DMD: variants seen among roughly 807,000 people sequenced by gnomAD.
DMD encodes dystrophin.
A neutral mutation model predicts 330.1 loss-of-function variants in DMD; 63 were observed. The ratio of observed to expected loss-of-function variants is 0.19; its 90% confidence interval spans 0.16 to 0.24. The LOEUF is 0.24. Ranked by LOEUF, DMD falls within the 10% of genes least tolerant of loss-of-function variation. The pLI is 1.00. For synonymous variants in DMD, 1,223 were observed against 959.8 expected (o/e 1.27, Z -5.07); for missense variants, 3,344 against 2,684.1 (o/e 1.25, Z -5.43).
At chrX:31,502,816 A>T (rs1201995554) in intron 56 of DMD, among the ~76,000 whole-genome samples, 1 of 111,849 alleles carries the variant, frequency 8.9e-6, no homozygotes, top group East Asian at 2.8e-4. Flanking sequence ...TAATATTCTA[A>T]AATTAAAAAT....
Position 32,760,426 on chromosome X carries a change from G to C in DMD, c.649+49067C>G, listed in dbSNP as rs764413248. ...ATATCTGCCCTACTTTGTTGCCACA[G>C]AGAATAAATTTTCCATGACTGCAAG... On this transcript the variant is annotated intron_variant, in intron 7 of 78. Coordinates refer to ENST00000357033, the MANE Select transcript of DMD (RefSeq NM_004006.3). Among the ~76,000 whole-genome samples, 18 of 111,778 alleles carry C rather than the reference G, an allele frequency of 1.6e-4. No individual in the cohort carries two copies. In the South Asian group the frequency reaches 6.8e-3, roughly 42 times the overall value.
chrX:31,162,634 T>C (rs1287912585), intron 74 of DMD, among the ~76,000 whole-genome samples: 2 of 110,703 alleles, frequency 1.8e-5, no homozygotes, highest in Non-Finnish European at 3.8e-5. Context: ...AATGAATATA[T>C]TCCTCATTTT....
At chrX:31,197,756 A>G (rs1602602091) in intron 67 of DMD, among the ~76,000 whole-genome samples, 1 of 111,826 alleles carries the variant, frequency 8.9e-6, no homozygotes, top group Admixed American at 9.5e-5. Flanking sequence ...AAGATACTAC[A>G]AAATCGAAAC....
At chrX:31,529,170 C>T (rs5972398) in intron 55 of DMD, among the ~76,000 whole-genome samples, 14,102 of 104,834 alleles carry the variant, frequency 0.13, 1,153 homozygotes, top group African/African-American at 0.27. Context: ...TGCAGTGAGC[C>T]GAGATCGCAC....
intron 50 of DMD, among the ~76,000 whole-genome samples, chrX:31,807,575 C>T (rs1017420774): frequency 4.5e-5 from 5 of 111,194 alleles, no homozygotes; most frequent in African/African-American, 1.6e-4. Context: ...AAGAAAAGAA[C>T]GTATATATTT....
At chrX:32,611,451 T>C (rs746567122) in intron 12 of DMD, among the ~76,000 whole-genome samples, 110 of 111,836 alleles carry the variant, frequency 9.8e-4, no homozygotes, top group Non-Finnish European at 1.8e-3. Context: ...TCATAGTCAT[T>C]AGAAATGGCA....
At chrX:33,178,371 C>T (rs750550132) in intron 1 of DMD, among the ~76,000 whole-genome samples, 14 of 111,704 alleles carry the variant, frequency 1.3e-4, no homozygotes, top group Admixed American at 3.8e-4. Context: ...ACCACCATGG[C>T]CCTGCTCTAC....
intron 37 of DMD, among the ~76,000 whole-genome samples, chrX:32,359,728 T>C (rs1266923537): frequency 1.8e-5 from 2 of 111,182 alleles, no homozygotes; most frequent in Admixed American, 9.6e-5. Context: ...ACTAATCTAA[T>C]TTAGAAATTT....
intron 74 of DMD, among the ~76,000 whole-genome samples, chrX:31,165,896 T>C: frequency 8.9e-6 from 1 of 111,978 alleles, no homozygotes; most frequent in East Asian, 2.8e-4. Context: ...CTTATCTCTG[T>C]GGCATCAACC....
rs190472283 is a variant in DMD, at chrX:32,552,459, C to A, written c.1993-7125G>T. ...AAAGACTTAAATCTAAAACCAACAACTATAAAAACCTAAGAAGATAACCCA... is the reference window on the plus strand; with the variant it reads ...AAAGACTTAAATCTAAAACCAACAAATATAAAAACCTAAGAAGATAACCCA... On this transcript the variant is annotated intron_variant, in intron 16 of 78. Coordinates refer to ENST00000357033, the MANE Select transcript of DMD (RefSeq NM_004006.3). Among the ~76,000 whole-genome samples, 294 of 111,817 alleles carry A rather than the reference C, an allele frequency of 2.6e-3. 3 individuals are homozygous for A. The highest frequency in any genetic ancestry group is 7.1e-4 in the Non-Finnish European group (38 of 53,190).
chrX:32,713,650 C>T (rs2065400304), intron 7 of DMD, among the ~76,000 whole-genome samples: 2 of 111,935 alleles, frequency 1.8e-5, no homozygotes, highest in African/African-American at 6.5e-5. Flanking sequence ...TTTTAAAATA[C>T]AATTATCTTC....
At chrX:32,544,736 A>G (rs1366046385) in intron 17 of DMD, among the ~76,000 whole-genome samples, 2 of 110,131 alleles carry the variant, frequency 1.8e-5, no homozygotes, top group East Asian at 5.7e-4. Context: ...ACCAGGATGG[A>G]TCCCATCTAT....
intron 16 of DMD, among the ~76,000 whole-genome samples, chrX:32,555,604 A>C (rs189870544): frequency 2.3e-4 from 26 of 111,825 alleles, no homozygotes; most frequent in African/African-American, 7.5e-4. Context: ...GTCACCAGAA[A>C]AGCAGGGTAC....
At chrX:32,368,907 A>C (rs1319666752) in intron 34 of DMD, among the ~76,000 whole-genome samples, 1 of 111,257 alleles carries the variant, frequency 9.0e-6, no homozygotes, top group East Asian at 2.8e-4. Flanking sequence ...GTCATGTAGT[A>C]ATGTGATTGC....
At chrX:31,196,769 C>T (rs1439598314) in intron 67 of DMD, among the ~76,000 whole-genome samples, 1 of 81,814 alleles carries the variant, frequency 1.2e-5, no homozygotes, top group African/African-American at 5.0e-5. Flanking sequence ...TGCAGTGTGC[C>T]GAGATGGCAC....
At chrX:31,312,387 C>A (rs2055593611) in intron 62 of DMD, among the ~76,000 whole-genome samples, 1 of 112,250 alleles carries the variant, frequency 8.9e-6, no homozygotes, top group Admixed American at 9.4e-5. Context: ...CAGAGAAATG[C>A]AAATGAAAAC....
intron 1 of DMD, among the ~76,000 whole-genome samples, chrX:33,060,116 C>G (rs935196835): frequency 9.0e-6 from 1 of 111,166 alleles, no homozygotes; most frequent in Non-Finnish European, 1.9e-5. Flanking sequence ...GTATAGGGAC[C>G]GTGAAAATAG....
chrX:32,135,561 A>G (rs1427349462), intron 44 of DMD, among the ~76,000 whole-genome samples: 1 of 111,659 alleles, frequency 9.0e-6, no homozygotes, highest in Non-Finnish European at 1.9e-5. Flanking sequence ...TCTCTAAAAA[A>G]AAATACAAAA....
chrX:33,312,282 G>T (rs910066323), intron 1 of DMD, among the ~76,000 whole-genome samples: 6 of 110,959 alleles, frequency 5.4e-5, no homozygotes, highest in Non-Finnish European at 1.1e-4. Context: ...TGAAACCTAC[G>T]TATATAGAGG....
Sources: gnomAD v4.1 joint callset for allele counts (sites outside exome capture counted in the v4.1 genomes callset) on GRCh38, gnomAD v4.1.1 for gene constraint, MANE v1.5 for transcripts, NCBI Gene and HGNC (gene_info 2026-07-23, HGNC 2026-07-21) for gene names.